Variants in RANBP2 observed in about 807,000 individuals in gnomAD.
RANBP2 encodes RAN binding protein 2, also known as E3 SUMO-protein ligase RanBP2.
In RANBP2, 57 loss-of-function variants were observed where a neutral mutation model predicts 303.6. The observed-to-expected ratio is 0.19, with a 90% confidence interval of 0.15 to 0.23. The LOEUF (loss-of-function observed/expected upper bound fraction) is 0.23. Among genes scored for constraint, RANBP2 ranks in the 10% least tolerant of loss-of-function variants. RANBP2 has a pLI of 1.00. For synonymous variants in RANBP2, 1,167 were observed against 1,301.5 expected, an observed-to-expected ratio of 0.90 and a Z score of 2.23; for missense variants, 3,138 against 3,780.8, an observed-to-expected ratio of 0.83 and a Z score of 4.46.
At chr2:109,078,093 TATATATA>T in the RANBP2 span, among the ~76,000 whole-genome samples, 1 of 9,578 alleles carries the variant, frequency 1.0e-4, no homozygotes, top group African/African-American at 1.9e-4. Flanking sequence ...TATATATATA[TATATATA>T]TATATATATA....
At chr2:109,071,534 TGTG>T in the RANBP2 span, among the ~76,000 whole-genome samples, 2 of 152,014 alleles carry the variant, frequency 1.3e-5, no homozygotes, top group Admixed American at 1.3e-4. Context: ...ATTATCTGGG[TGTG>T]GTGGTGTGCA....
the RANBP2 span, among the ~76,000 whole-genome samples, chr2:109,314,876 T>TAGAGATTGA: frequency 6.6e-6 from 1 of 152,182 alleles, no homozygotes; most frequent in African/African-American, 2.4e-5. Flanking sequence ...TCTGAGTTGG[T>TAGAGATTGA]AGAGATTGAA....
chr2:109,147,814 G>A, the RANBP2 span, among the ~76,000 whole-genome samples: 1 of 152,152 alleles, frequency 6.6e-6, no homozygotes, highest in African/African-American at 2.4e-5. Context: ...CCATTGATCT[G>A]TCATTTAATA....
the RANBP2 span, among the ~76,000 whole-genome samples, chr2:109,213,717 A>G: frequency 6.6e-6 from 1 of 152,164 alleles, no homozygotes; most frequent in Non-Finnish European, 1.5e-5. Flanking sequence ...CCTGGCCTTT[A>G]TCCTTTACCT....
chr2:109,252,688 C>T, the RANBP2 span, among the ~76,000 whole-genome samples: 1 of 152,168 alleles, frequency 6.6e-6, no homozygotes, highest in Non-Finnish European at 1.5e-5. Context: ...CTCAGCCTAG[C>T]CTACTTTAAA....
the RANBP2 span, among the ~76,000 whole-genome samples, chr2:109,603,491 A>G: frequency 0.91 from 139,012 of 152,102 alleles, 63,672 homozygotes; most frequent in Middle Eastern, 0.97. Context: ...CGCCTGCCTC[A>G]GCCTCCCAAA....
chr2:109,283,778 G>A, the RANBP2 span, among the ~76,000 whole-genome samples: 1 of 152,212 alleles, frequency 6.6e-6, no homozygotes, highest in Non-Finnish European at 1.5e-5. Flanking sequence ...TTTGAACTTG[G>A]CTCTCTGCCT....
At chr2:108,945,288 C>A in the RANBP2 span, among the ~76,000 whole-genome samples, 1 of 152,136 alleles carries the variant, frequency 6.6e-6, no homozygotes, top group Admixed American at 6.5e-5. Context: ...TTAAAGACAT[C>A]TTTTATTAGG....
At chr2:109,087,324 T>TA in the RANBP2 span, among the ~76,000 whole-genome samples, 27 of 152,296 alleles carry the variant, frequency 1.8e-4, no homozygotes, top group African/African-American at 6.5e-4. Context: ...TTCTTTTCCT[T>TA]GTATTGCCTC....
At chr2:109,474,098 G>A in the RANBP2 span, among the ~76,000 whole-genome samples, 7 of 152,136 alleles carry the variant, frequency 4.6e-5, no homozygotes, top group South Asian at 2.1e-4. Flanking sequence ...TGCACAGTCT[G>A]GGCCGGGCTG....
the RANBP2 span, among the ~76,000 whole-genome samples, chr2:109,499,795 A>G: frequency 9.5e-3 from 1,449 of 152,296 alleles, 11 homozygotes; most frequent in Non-Finnish European, 0.013. Flanking sequence ...CCTGTCAAAC[A>G]TAATCATAGC....
chr2:109,544,255 T>C, the RANBP2 span: 2 of 1,613,090 alleles, frequency 1.2e-6, no homozygotes, highest in Non-Finnish European at 1.7e-6. Context: ...TTCTAGTTTT[T>C]TTTTAATAAA....
the RANBP2 span, among the ~76,000 whole-genome samples, chr2:108,975,713 G>C: frequency 6.6e-6 from 1 of 152,278 alleles, no homozygotes; most frequent in East Asian, 1.9e-4. Context: ...GTGGTGGTCG[G>C]AGGAAATGAC....
chr2:109,216,326 C>T, the RANBP2 span, among the ~76,000 whole-genome samples: 42,993 of 152,150 alleles, frequency 0.28, 7,394 homozygotes, highest in South Asian at 0.39. Context: ...CTTAGTGATC[C>T]CACCTTGAGG....
At chr2:109,304,826 C>T in the RANBP2 span, among the ~76,000 whole-genome samples, 2 of 152,124 alleles carry the variant, frequency 1.3e-5, no homozygotes, top group Middle Eastern at 3.2e-3. Context: ...GATTAGACCT[C>T]GTGAGAGCCA....
the RANBP2 span, among the ~76,000 whole-genome samples, chr2:108,925,413 G>A: frequency 6.6e-5 from 10 of 152,292 alleles, no homozygotes; most frequent in African/African-American, 9.6e-5. Context: ...CACAACACCC[G>A]GCTTTATGAT....
the RANBP2 span, among the ~76,000 whole-genome samples, chr2:109,766,365 CT>C: frequency 6.6e-6 from 1 of 150,542 alleles, no homozygotes; most frequent in Admixed American, 6.8e-5. Flanking sequence ...TTGGAGAAAG[CT>C]GGGTGGAGAG....
chr2:109,153,704 G>T, the RANBP2 span, among the ~76,000 whole-genome samples: 2 of 152,144 alleles, frequency 1.3e-5, no homozygotes, highest in African/African-American at 4.8e-5. Flanking sequence ...TAGTCTCCAG[G>T]GTGTGTACTT....
At chr2:109,458,596 G>GAGAGAGAGAGAGAGAGAGAGAT in the RANBP2 span, among the ~76,000 whole-genome samples, 1 of 150,290 alleles carries the variant, frequency 6.7e-6, no homozygotes, top group Non-Finnish European at 1.5e-5. Context: ...GAGAGAGAGA[G>GAGAGAGAGAGAGAGAGAGAGAT]AGAGAATTTA....
Sources: allele counts gnomAD v4.1 joint callset (sites outside exome capture counted in the v4.1 genomes callset), GRCh38; gene constraint gnomAD v4.1.1; transcripts MANE v1.5; gene names NCBI Gene and HGNC (gene_info 2026-07-23, HGNC 2026-07-21).